Variants in ELAPOR1 observed in about 807,000 individuals in gnomAD.
ELAPOR1 encodes endosome-lysosome associated apoptosis and autophagy regulator 1.
Under a neutral mutation model 119.7 loss-of-function variants are expected in ELAPOR1, and 77 were observed. The observed-to-expected ratio is 0.64, with a 90% CI of 0.54 to 0.78. The LOEUF (loss-of-function observed/expected upper bound fraction) is 0.78. ELAPOR1 is among the 30% of genes least tolerant of loss of function. The pLI, the probability that ELAPOR1 is intolerant of heterozygous loss-of-function variation, is 0.00. For synonymous variants in ELAPOR1, 481 were observed against 487.2 expected, an observed-to-expected ratio of 0.99 and a Z score of 0.17; for missense variants, 1,115 against 1,270.4, an observed-to-expected ratio of 0.88 and a Z score of 1.86.
intron 1 of ELAPOR1, among the ~76,000 whole-genome samples, chr1:109,123,305 A>G (rs1218543731): frequency 1.3e-5 from 2 of 152,258 alleles, no homozygotes; most frequent in African/African-American, 4.8e-5. Flanking sequence ...ACCTATAGTT[A>G]TAAATGTGGC....
chr1:109,171,845 C>G, intron 3 of ELAPOR1, 21 bp from the exon 4 acceptor site: 1 of 1,613,716 alleles, frequency 6.2e-7, no homozygotes, highest in Non-Finnish European at 8.5e-7. Flanking sequence ...GCCTGTGAAC[C>G]TGGTTCCTGT....
At chr1:109,198,112 T>C in intron 17 of ELAPOR1, 37 bp downstream of exon 17, 1 of 1,500,864 alleles carries the variant, frequency 6.7e-7, no homozygotes, top group African/African-American at 1.4e-5. Context: ...AAGTGAAACC[T>C]AGGACTCCTC....
At chr1:109,131,348 A>G (rs1649137783) in intron 1 of ELAPOR1, among the ~76,000 whole-genome samples, 1 of 152,172 alleles carries the variant, frequency 6.6e-6, no homozygotes, top group South Asian at 2.1e-4. Context: ...CTGTTCATCA[A>G]AAGCAAGTCA....
At chr1:109,172,125 TTC>T in intron 4 of ELAPOR1, 112 bp downstream of exon 4, 2 of 1,381,970 alleles carry the variant, frequency 1.4e-6, no homozygotes, top group Non-Finnish European at 2.0e-6. Flanking sequence ...CACTGTTGTT[TTC>T]TCTCTGGAGA....
intron 1 of ELAPOR1, among the ~76,000 whole-genome samples, chr1:109,136,555 G>A (rs570850948): frequency 6.6e-6 from 1 of 152,290 alleles, no homozygotes; most frequent in African/African-American, 2.4e-5. Context: ...CCTGAAAGAC[G>A]AATGCAGGCA....
chr1:109,141,117 G>T (rs1028181068), intron 1 of ELAPOR1, among the ~76,000 whole-genome samples: 1 of 152,146 alleles, frequency 6.6e-6, no homozygotes, highest in Admixed American at 6.5e-5. Flanking sequence ...CTCCCAAAGT[G>T]CTGGGATTAC....
intron 1 of ELAPOR1, among the ~76,000 whole-genome samples, chr1:109,137,775 G>A (rs1053415965): frequency 5.3e-5 from 8 of 152,222 alleles, no homozygotes; most frequent in South Asian, 4.1e-4. Flanking sequence ...TGATCTGCCC[G>A]CCTCGGCCCC....
Position 109,204,924 on chromosome 1 carries a change from T to G in ELAPOR1, c.*1912T>G, listed in dbSNP as rs1654400696. ...AAAATAAACAAGGTGTTCACCAAGC[T>G]GGGATACTTCTCACTATTAAGCCCC... On this transcript the variant is annotated 3_prime_UTR_variant, in exon 22 of 22. Transcript: ENST00000369939. 6.6e-6 allele frequency: 1 copy of G among 152,226 alleles called. No individual in the cohort carries two copies. Among genetic ancestry groups the G allele is most frequent in the Admixed American group, 6.5e-5 (1 of 15,282 alleles). 9.4% of individuals were successfully genotyped at this position (152,226 alleles called of 1,614,324 possible).
intron 1 of ELAPOR1, among the ~76,000 whole-genome samples, chr1:109,137,519 A>AT (rs1553250988): frequency 1.5e-5 from 2 of 135,552 alleles, no homozygotes; most frequent in African/African-American, 2.8e-5. Context: ...TTATTTATTT[A>AT]TTTATTTTAT....
At position 109,164,632 on chromosome 1, in the gene ELAPOR1, C is replaced by T. The variant is rs1160956737; in HGVS notation, c.408C>T (p.Ser136=). ...EWDELPHGFA[S]LSANMELDDS... ...ATGAGCTGCCCCATGGCTTTGCCAG[C>T]CTCTCAGCCAACATGGAGCTGGATG... is the stretch of plus-strand genomic sequence containing the variant. Residue 136 remains serine (S), a synonymous_variant, in exon 3 of 22, where the codon AGC becomes AGT. Coordinates refer to ENST00000369939, the MANE Select transcript of ELAPOR1 (RefSeq NM_020775.5). 2 of 1,614,236 alleles carry T rather than the reference C, an allele frequency of 1.2e-6. No homozygotes were observed. Among genetic ancestry groups the T allele is most frequent in the East Asian group, 4.5e-5 (2 of 44,894 alleles).
chr1:109,189,645 G>A lies in ELAPOR1; in HGVS notation c.1402G>A (p.Asp468Asn). 6.2e-7 allele frequency: 1 copy of A among 1,614,154 alleles called. No individual in the cohort carries two copies. Among genetic ancestry groups the A allele is most frequent in the Non-Finnish European group, 8.5e-7 (1 of 1,180,022 alleles). ...IYTAAGASDN[D>N]FMILTLVVPG... ...CACAGCTGCTGGAGCCTCAGACAATGACTTCATGATTCTCACTCTGGTTGT... is the reference window on the plus strand; with the variant it reads ...CACAGCTGCTGGAGCCTCAGACAATAACTTCATGATTCTCACTCTGGTTGT... Residue 468 changes from aspartate to asparagine, a missense_variant, in exon 11 of 22, where the codon GAC becomes AAC. Asp to Asn is a conservative substitution (Grantham distance 23, BLOSUM62 1). Transcript: ENST00000369939.
intron 1 of ELAPOR1, among the ~76,000 whole-genome samples, chr1:109,144,047 A>ATTTTTT (rs1279392506): frequency 2.1e-5 from 1 of 46,600 alleles, no homozygotes; most frequent in African/African-American, 6.7e-5. Context: ...ATATATATAT[A>ATTTTTT]TATATATTTA....
chr1:109,182,330 AAAAAAT>A (rs1177429629), intron 7 of ELAPOR1, among the ~76,000 whole-genome samples: 6 of 21,480 alleles, frequency 2.8e-4, no homozygotes, highest in East Asian at 6.2e-3. Context: ...ACTCTGTCTC[AAAAAAT>A]AATAATAATA....
intron 1 of ELAPOR1, among the ~76,000 whole-genome samples, chr1:109,130,742 CT>C (rs1356101037): frequency 2.0e-5 from 3 of 152,184 alleles, no homozygotes; most frequent in Admixed American, 6.5e-5. Flanking sequence ...GAATTAAAAA[CT>C]ATAATCTTTT....
intron 7 of ELAPOR1, among the ~76,000 whole-genome samples, chr1:109,184,046 G>T (rs939295841): frequency 1.3e-5 from 2 of 151,906 alleles, no homozygotes; most frequent in Non-Finnish European, 2.9e-5. Context: ...AACAGAACAA[G>T]ACTCTGTCTC....
At chr1:109,165,584 TAAAAAAAAA>T (rs1161516161) in intron 3 of ELAPOR1, among the ~76,000 whole-genome samples, 2 of 115,946 alleles carry the variant, frequency 1.7e-5, no homozygotes, top group African/African-American at 6.3e-5. Flanking sequence ...AACTCCGTCT[TAAAAAAAAA>T]AAAAAAAGAA....
chr1:109,128,221 A>G (rs1648918860), intron 1 of ELAPOR1, among the ~76,000 whole-genome samples: 1 of 152,206 alleles, frequency 6.6e-6, no homozygotes, highest in Non-Finnish European at 1.5e-5. Context: ...AGCATGAAAA[A>G]TAAAATAAAT....
chr1:109,199,650 C>A (rs1177593023), intron 18 of ELAPOR1, among the ~76,000 whole-genome samples: 1 of 152,152 alleles, frequency 6.6e-6, no homozygotes, highest in Non-Finnish European at 1.5e-5. Context: ...GGGTGGGGAG[C>A]CCACTGGAGG....
In ELAPOR1 at chr1:109,205,292, T is replaced by C. The variant is rs1178729863; in HGVS notation, c.*2280T>C. 4.6e-5 allele frequency: 7 copies of C among 152,176 alleles called. No individual in the cohort carries two copies. The highest frequency in any genetic ancestry group is 3.9e-4 in the Admixed American group (6 of 15,280). 9.4% of individuals were successfully genotyped at this position (152,176 alleles called of 1,614,324 possible). A position where few individuals can be genotyped will look rare whatever the true frequency, so the allele number is the denominator to read the frequency against. ...CCATTTGGTGACCAGATGGTAGATA[T>C]AGAAAGGGGATGGCATTTGCAAGTG... On this transcript the variant is annotated 3_prime_UTR_variant, in exon 22 of 22. Coordinates refer to ENST00000369939, the MANE Select transcript of ELAPOR1 (RefSeq NM_020775.5).
Sources: allele counts gnomAD v4.1 joint callset (sites outside exome capture counted in the v4.1 genomes callset), GRCh38; gene constraint gnomAD v4.1.1; transcripts MANE v1.5; gene names NCBI Gene and HGNC (gene_info 2026-07-23, HGNC 2026-07-21).